The following EXOC4 variants were observed in gnomAD, a reference collection of about 807,000 sequenced individuals.
EXOC4 encodes the protein exocyst complex component 4, also known as SEC8-like 1.
In EXOC4, 71 loss-of-function variants were observed where a neutral mutation model predicts 107.2. That is an observed-to-expected ratio of 0.66 (90% CI 0.55 to 0.81). The LOEUF (loss-of-function observed/expected upper bound fraction) is 0.81, where lower values mean the gene tolerates loss of function less well. Among genes scored for constraint, EXOC4 ranks in the 30% least tolerant of loss-of-function variants. EXOC4 has a pLI of 0.00. For synonymous variants in EXOC4, 456 were observed against 441.2 expected, an observed-to-expected ratio of 1.03 and a Z score of -0.42; for missense variants, 1,108 against 1,189.6, an observed-to-expected ratio of 0.93 and a Z score of 1.01.
intron 9 of EXOC4, among the ~76,000 whole-genome samples, chr7:133,628,330 G>A (rs1406395635): frequency 6.6e-6 from 1 of 152,166 alleles, no homozygotes; most frequent in Non-Finnish European, 1.5e-5. Context: ...TAGAAAAGAT[G>A]TTGGCCCACT....
intron 11 of EXOC4, among the ~76,000 whole-genome samples, chr7:133,859,487 G>A (rs984763440): frequency 6.6e-5 from 10 of 152,126 alleles, no homozygotes; most frequent in African/African-American, 2.2e-4. Flanking sequence ...CTGCTGCAGC[G>A]CCTGGCTTTC....
At position 134,050,498 on chromosome 7, in the gene EXOC4, A is replaced by T. The variant is rs760294832; in HGVS notation, c.2688-13793A>T. 1.9e-3 allele frequency among the ~76,000 whole-genome samples: 236 copies of T among 124,544 alleles called. 3 individuals carry two copies. Among genetic ancestry groups the T allele is most frequent in the African/African-American group, 6.6e-3 (221 of 33,292 alleles). 81.7% of individuals were successfully genotyped at this position (124,544 alleles called of 152,430 possible). ...AAAAGAATATTAAGAGTTTTTTTTT[A>T]AAAAAGATATGATTCTACAGGATAA... On this transcript the variant is annotated intron_variant, in intron 17 of 17. Transcript: ENST00000253861.
intron 9 of EXOC4, among the ~76,000 whole-genome samples, chr7:133,592,358 T>C (rs1002656747): frequency 6.6e-6 from 1 of 152,168 alleles, no homozygotes. Flanking sequence ...TTGGCTACTT[T>C]AGTGCATAGA....
chr7:133,406,414 A>C (rs1797221413), intron 7 of EXOC4, among the ~76,000 whole-genome samples: 1 of 152,216 alleles, frequency 6.6e-6, no homozygotes, highest in South Asian at 2.1e-4. Flanking sequence ...GCACAACCTA[A>C]CTTATATCCA....
intron 17 of EXOC4, among the ~76,000 whole-genome samples, chr7:134,063,801 A>G (rs1420614499): frequency 6.6e-6 from 1 of 152,222 alleles, no homozygotes; most frequent in Non-Finnish European, 1.5e-5. Flanking sequence ...TATACGTATT[A>G]ATTAATTCAA....
chr7:133,507,148 G>A (rs890935300), intron 9 of EXOC4, among the ~76,000 whole-genome samples: 5 of 151,776 alleles, frequency 3.3e-5, no homozygotes, highest in Non-Finnish European at 7.4e-5. Flanking sequence ...TTTTCCTTGG[G>A]TAATCTGTTC....
chr7:133,526,689 T>C (rs185964777), intron 9 of EXOC4, among the ~76,000 whole-genome samples: 1 of 152,270 alleles, frequency 6.6e-6, no homozygotes, highest in East Asian at 1.9e-4. Flanking sequence ...AAAGTAGATA[T>C]AGCCGGGCGT....
intron 7 of EXOC4, among the ~76,000 whole-genome samples, chr7:133,414,327 G>A (rs1409205898): frequency 3.9e-5 from 6 of 152,140 alleles, no homozygotes; most frequent in African/African-American, 1.4e-4. Context: ...CCAAGTGTTG[G>A]CAAGGATGAG....
chr7:133,358,974 G>C (rs1796082658), intron 6 of EXOC4, among the ~76,000 whole-genome samples: 1 of 152,132 alleles, frequency 6.6e-6, no homozygotes, highest in South Asian at 2.1e-4. Context: ...AGCTTTTGTA[G>C]GCAGGATATA....
At chr7:133,935,578 C>A (rs554931965) in intron 13 of EXOC4, among the ~76,000 whole-genome samples, 2 of 152,294 alleles carry the variant, frequency 1.3e-5, no homozygotes, top group East Asian at 3.9e-4. Flanking sequence ...ATGTAACATA[C>A]TTCCTCCTGC....
In EXOC4 at chr7:133,676,959, G is replaced by GTA. The variant is rs1554382526; in HGVS notation, c.1514+46819_1514+46820insAT. Among the ~76,000 whole-genome samples, 1,300 of 138,730 alleles carry GTA rather than the reference G, an allele frequency of 9.4e-3. 15 individuals carry two copies. Among genetic ancestry groups the GTA allele is most frequent in the African/African-American group, 0.028 (1,072 of 38,488 alleles). The allele number at this position is 138,730 out of a possible 152,430, so 91.0% of individuals were successfully genotyped here. ...TGTGTGTGTGTGTGTGTGTGTGTAT[G>GTA]TGTGTGTGTGTGTGTGTGTTGAGAA... is the stretch of plus-strand genomic sequence containing the variant. On this transcript the variant is annotated intron_variant, in intron 10 of 17. Coordinates refer to ENST00000253861, the MANE Select transcript of EXOC4 (RefSeq NM_021807.4).
intron 10 of EXOC4, among the ~76,000 whole-genome samples, chr7:133,712,638 A>G (rs1421496828): frequency 6.6e-6 from 1 of 152,106 alleles, no homozygotes; most frequent in East Asian, 1.9e-4. Flanking sequence ...AGGGACTCAA[A>G]CAAGTACATA....
rs558903601 is a variant in EXOC4 at position 133,824,868 on chromosome 7, G to A, written c.1734+7324G>A. On this transcript the variant is annotated intron_variant, in intron 11 of 17. Transcript: ENST00000253861. ...TGGATTTAGGGTTTGTCTTAATCCA[G>A]GACGATCTCATCTCAATCCTTACCT... 7.2e-5 allele frequency among the ~76,000 whole-genome samples: 11 copies of A among 152,236 alleles called. 4 individuals are homozygous for A. The highest frequency in any genetic ancestry group is 7.2e-4 in the Admixed American group (11 of 15,296).
intron 10 of EXOC4, among the ~76,000 whole-genome samples, chr7:133,776,187 C>T (rs1003877551): frequency 5.3e-5 from 8 of 150,532 alleles, no homozygotes; most frequent in African/African-American, 1.7e-4. Context: ...TCTTTTTCCA[C>T]CATCTCTTTA....
At chr7:133,853,345 A>AAC (rs59000979) in intron 11 of EXOC4, among the ~76,000 whole-genome samples, 6,928 of 115,024 alleles carry the variant, frequency 0.06, 242 homozygotes, top group Admixed American at 0.079. Context: ...CTCTCTCTTT[A>AAC]ACACACACAC....
intron 10 of EXOC4, among the ~76,000 whole-genome samples, chr7:133,659,910 G>T (rs185462249): frequency 1.3e-5 from 2 of 152,128 alleles, no homozygotes; most frequent in Non-Finnish European, 2.9e-5. Flanking sequence ...CTTCATTTAC[G>T]TGGATAATTC....
At chr7:133,627,086 A>C (rs2151012067) in intron 9 of EXOC4, among the ~76,000 whole-genome samples, 1 of 152,282 alleles carries the variant, frequency 6.6e-6, no homozygotes, top group Admixed American at 6.5e-5. Flanking sequence ...TGGTGGGAAA[A>C]AGTGACATAA....
chr7:133,363,550 G>A (rs1200652072), intron 6 of EXOC4, among the ~76,000 whole-genome samples: 1 of 150,668 alleles, frequency 6.6e-6, no homozygotes, highest in Non-Finnish European at 1.5e-5. Context: ...TGGCTGAATA[G>A]GCCAGAGATG....
At chr7:133,981,946 T>A (rs1417278226) in intron 14 of EXOC4, among the ~76,000 whole-genome samples, 2 of 152,176 alleles carry the variant, frequency 1.3e-5, no homozygotes, top group Non-Finnish European at 2.9e-5. Flanking sequence ...AGATCATGTC[T>A]TTTGATGGAA....
Sources: gnomAD v4.1 joint callset for allele counts (sites outside exome capture counted in the v4.1 genomes callset) on GRCh38, gnomAD v4.1.1 for gene constraint, MANE v1.5 for transcripts, NCBI Gene and HGNC (gene_info 2026-07-23, HGNC 2026-07-21) for gene names.